Variants in ADAM9 observed in about 807,000 individuals in gnomAD.
The protein encoded by ADAM9 is disintegrin and metalloproteinase domain-containing protein 9.
In ADAM9, 54 loss-of-function variants were observed where a neutral mutation model predicts 108.1. That is an observed-to-expected ratio of 0.50 (90% CI 0.40 to 0.63). The LOEUF (loss-of-function observed/expected upper bound fraction) is 0.63. Ranked by LOEUF, ADAM9 falls within the 20% of genes least tolerant of loss-of-function variation. ADAM9 has a pLI of 0.00. For missense variants in ADAM9, 830 were observed against 997.7 expected (o/e 0.83, Z 2.26); for synonymous variants, 316 against 336.0 (o/e 0.94, Z 0.65).
intron 1 of ADAM9, among the ~76,000 whole-genome samples, chr8:39,001,428 A>AG (rs1835988533): frequency 6.6e-6 from 1 of 152,240 alleles, no homozygotes; most frequent in Non-Finnish European, 1.5e-5. Context: ...GAAGTACATG[A>AG]TGAATAAGAT....
chr8:39,017,852 C>G (rs966634606), intron 6 of ADAM9, among the ~76,000 whole-genome samples: 1 of 152,198 alleles, frequency 6.6e-6, no homozygotes, highest in East Asian at 1.9e-4. Flanking sequence ...CTCAGCTTCC[C>G]AAAGTGCTGG....
intron 16 of ADAM9, among the ~76,000 whole-genome samples, chr8:39,078,186 A>G (rs1416516589): frequency 6.6e-6 from 1 of 152,154 alleles, no homozygotes; most frequent in African/African-American, 2.4e-5. Context: ...TTCTCTTTAC[A>G]AGAAGATCCA....
At chr8:39,097,375 C>T (rs1427946632) in intron 20 of ADAM9, among the ~76,000 whole-genome samples, 4 of 151,316 alleles carry the variant, frequency 2.6e-5, no homozygotes, top group Admixed American at 1.3e-4. Context: ...GGTGCCATCT[C>T]GGCTCATTGC....
At chr8:39,009,932 G>A (rs59986960) in intron 2 of ADAM9, among the ~76,000 whole-genome samples, 1,405 of 14,574 alleles carry the variant, frequency 0.096, 25 homozygotes, top group Non-Finnish European at 0.11. Context: ...GAGAGAGAGA[G>A]ACAAAAACAA....
At chr8:39,045,589 A>AT in intron 12 of ADAM9, among the ~76,000 whole-genome samples, 1 of 140,634 alleles carries the variant, frequency 7.1e-6, no homozygotes. Flanking sequence ...TATATATATA[A>AT]AAGATTTTTC....
At chr8:39,092,331 T>TATAC (rs138023257) in intron 20 of ADAM9, among the ~76,000 whole-genome samples, 3 of 148,700 alleles carry the variant, frequency 2.0e-5, no homozygotes, top group Non-Finnish European at 3.0e-5. Flanking sequence ...AATATATTTA[T>TATAC]ACACACACAC....
intron 14 of ADAM9, among the ~76,000 whole-genome samples, chr8:39,070,446 C>T (rs113500631): frequency 4.6e-5 from 7 of 152,224 alleles, no homozygotes; most frequent in Middle Eastern, 3.4e-3. Flanking sequence ...ATTTGCTATA[C>T]GTGACTGTTC....
At chr8:39,069,930 A>G (rs1330064222) in intron 14 of ADAM9, among the ~76,000 whole-genome samples, 1 of 149,880 alleles carries the variant, frequency 6.7e-6, no homozygotes, top group East Asian at 2.0e-4. Flanking sequence ...ATACTGCTTT[A>G]AAACCTGCTG....
intron 21 of ADAM9, among the ~76,000 whole-genome samples, chr8:39,102,797 C>T (rs1238818825): frequency 6.6e-6 from 1 of 152,108 alleles, no homozygotes; most frequent in Admixed American, 6.5e-5. Context: ...AATTCTAGAA[C>T]TGAAAAACAC....
intron 1 of ADAM9, among the ~76,000 whole-genome samples, chr8:39,004,270 G>A (rs1836092304): frequency 6.6e-6 from 1 of 151,750 alleles, no homozygotes. Context: ...CTGGAGTGCA[G>A]TTGCATAATC....
intron 20 of ADAM9, among the ~76,000 whole-genome samples, chr8:39,093,456 T>C (rs948924130): frequency 2.0e-5 from 3 of 152,342 alleles, no homozygotes; most frequent in African/African-American, 7.2e-5. Context: ...TATGCAACTT[T>C]AGTGAATTCA....
At chr8:39,090,380 C>T (rs1378650914) in intron 19 of ADAM9, among the ~76,000 whole-genome samples, 192 bp downstream of exon 19, 4 of 151,970 alleles carry the variant, frequency 2.6e-5, no homozygotes, top group Admixed American at 1.3e-4. Flanking sequence ...CCATGTTGCC[C>T]GGGCTGGTCT....
chr8:39,017,157 T>G, intron 5 of ADAM9, 62 bp from the exon 6 acceptor site: 1 of 1,574,046 alleles, frequency 6.4e-7, no homozygotes, highest in Non-Finnish European at 8.7e-7. Context: ...GAACTTAGGT[T>G]TTCTGATTCC....
chr8:39,090,732 T>C (rs1208717639), intron 19 of ADAM9, among the ~76,000 whole-genome samples: 3 of 152,246 alleles, frequency 2.0e-5, no homozygotes, highest in South Asian at 4.1e-4. Context: ...CTTCGTATCA[T>C]ACTTCCAACT....
intron 3 of ADAM9, among the ~76,000 whole-genome samples, chr8:39,012,548 A>G (rs1156925600): frequency 1.3e-5 from 2 of 152,234 alleles, no homozygotes; most frequent in African/African-American, 4.8e-5. Context: ...AACCAACCCA[A>G]ATGTCCAACA....
intron 12 of ADAM9, among the ~76,000 whole-genome samples, chr8:39,054,159 CCTTGAT>C (rs1202587105): frequency 2.6e-5 from 4 of 152,116 alleles, no homozygotes; most frequent in Non-Finnish European, 4.4e-5. Context: ...CTAGTAGGAA[CCTTGAT>C]CTTGGATTTC....
chr8:39,045,249 T>TATATGTGTATATATGTGTATACATAC lies in ADAM9; in HGVS notation c.1302+3139_1302+3164dup, dbSNP rs1188366141. ...ATGTGTATATATGTGTATACATACA[T>TATATGTGTATATATGTGTATACATAC]ATATGTGTATATATGTGTATACATA... On this transcript the variant is annotated intron_variant, in intron 12 of 21. Coordinates refer to ENST00000487273, the MANE Select transcript of ADAM9 (RefSeq NM_003816.3). Among the ~76,000 whole-genome samples, 115 of 140,144 alleles carry TATATGTGTATATATGTGTATACATAC rather than the reference T, an allele frequency of 8.2e-4. 2 individuals are homozygous for TATATGTGTATATATGTGTATACATAC. The highest frequency in any genetic ancestry group is 1.5e-3 in the Non-Finnish European group (96 of 63,756). The allele number at this position is 140,144 out of a possible 152,430, so 91.9% of individuals were successfully genotyped here. A position where few individuals can be genotyped will look rare whatever the true frequency, so the allele number is the denominator to read the frequency against.
rs764765877 is a variant in ADAM9 at position 38,997,071 on chromosome 8, C to T, written c.8C>T (p.Ser3Phe). The change falls in exon 1 of 22, where the codon TCT becomes TTT. Residue 3 changes from serine to phenylalanine, a missense_variant. Ser to Phe is a radical substitution (Grantham distance 155). This residue lies in a region of ADAM9 where 211 missense variants were observed against 222.2 expected (regional missense o/e 0.95). Coordinates refer to ENST00000487273, the MANE Select transcript of ADAM9 (RefSeq NM_003816.3). ...CCTGCGGAATCGGCCGAGATGGGGT[C>T]TGGCGCGCGCTTTCCCTCGGGGACC... The part of the protein sequence containing the change: MG[S>F]GARFPSGTLR... 1.2e-6 allele frequency: 2 copies of T among 1,607,604 alleles called. No individual in the cohort carries two copies. Among genetic ancestry groups the T allele is most frequent in the East Asian group, 4.5e-5 (2 of 44,794 alleles).
At chr8:39,099,669 A>T (rs1021526066) in intron 20 of ADAM9, among the ~76,000 whole-genome samples, 3 of 152,144 alleles carry the variant, frequency 2.0e-5, no homozygotes, top group Admixed American at 6.6e-5. Context: ...AAATTTTTTT[A>T]AATTAATTTT....
Sources: gnomAD v4.1 joint callset for allele counts (sites outside exome capture counted in the v4.1 genomes callset) on GRCh38, gnomAD v4.1.1 for gene constraint, gnomAD v4.1.1 regional missense constraint, MANE v1.5 for transcripts, NCBI Gene and HGNC (gene_info 2026-07-23, HGNC 2026-07-21) for gene names.